The following SLC35F2 variants were observed in gnomAD, a reference collection of about 807,000 sequenced individuals.
SLC35F2 encodes the protein solute carrier family 35 member F2.
Under a neutral mutation model 38.1 loss-of-function variants are expected in SLC35F2, and 25 were observed. That is an observed-to-expected ratio of 0.66 (90% confidence interval 0.48 to 0.92). The LOEUF is 0.92. Among genes scored for constraint, SLC35F2 ranks in the 40% least tolerant of loss-of-function variants. The probability of loss-of-function intolerance (pLI) is 0.00; values close to 1 mark genes in which losing one functional copy is unlikely to be tolerated. For synonymous variants in SLC35F2, 173 were observed against 181.7 expected, an observed-to-expected ratio of 0.95 and a Z score of 0.38; for missense variants, 409 against 452.9, an observed-to-expected ratio of 0.90 and a Z score of 0.88.
intron 7 of SLC35F2, among the ~76,000 whole-genome samples, chr11:107,797,982 TTTTTTA>T (rs139359152): frequency 0.058 from 8,454 of 146,916 alleles, 282 homozygotes; most frequent in East Asian, 0.17. Context: ...TAAGTTGGTA[TTTTTTA>T]TTTTTTTTTG....
intron 1 of SLC35F2, among the ~76,000 whole-genome samples, chr11:107,828,985 G>C (rs1169014351): frequency 2.0e-5 from 3 of 151,542 alleles, no homozygotes; most frequent in Non-Finnish European, 4.4e-5. Context: ...GTGCACGCCT[G>C]TAGTCCCAGC....
intron 1 of SLC35F2, among the ~76,000 whole-genome samples, chr11:107,855,690 A>G (rs1412334565): frequency 6.6e-6 from 1 of 151,950 alleles, no homozygotes; most frequent in African/African-American, 2.4e-5. Context: ...TCCACAAGAA[A>G]GGAAAAAGCC....
At chr11:107,840,919 G>A (rs564872404) in intron 1 of SLC35F2, among the ~76,000 whole-genome samples, 21 of 152,294 alleles carry the variant, frequency 1.4e-4, no homozygotes, top group African/African-American at 5.1e-4. Flanking sequence ...CTGGCCCAGT[G>A]AGGGAAGCGG....
At chr11:107,822,615 C>T (rs1859690946) in intron 1 of SLC35F2, among the ~76,000 whole-genome samples, 2 of 152,138 alleles carry the variant, frequency 1.3e-5, no homozygotes, top group Admixed American at 1.3e-4. Flanking sequence ...CCCCAAAACT[C>T]TAAGCTCCAG....
chr11:107,797,220 A>G (rs1306855015), intron 7 of SLC35F2, among the ~76,000 whole-genome samples: 1 of 152,220 alleles, frequency 6.6e-6, no homozygotes, highest in Non-Finnish European at 1.5e-5. Flanking sequence ...CACACCAATA[A>G]ATAGTTTTAA....
intron 1 of SLC35F2, among the ~76,000 whole-genome samples, chr11:107,818,070 AAAAAAGAAAGAAAGAAAGAAAGAAAG>A (rs1244567089): frequency 7.9e-5 from 10 of 126,278 alleles, no homozygotes; most frequent in Middle Eastern, 3.8e-3. Flanking sequence ...AAAAAAAAAA[AAAAAAGAAAGAAAGAAAGAAAGAAAG>A]AAAGAAAGAA....
chr11:107,827,375 G>C (rs142240447), intron 1 of SLC35F2, among the ~76,000 whole-genome samples: 2 of 150,342 alleles, frequency 1.3e-5, no homozygotes, highest in African/African-American at 4.9e-5. Context: ...AGCACTTTGC[G>C]AGGCCAAGGT....
intron 1 of SLC35F2, among the ~76,000 whole-genome samples, chr11:107,846,422 C>G (rs1001620077): frequency 4.6e-5 from 7 of 151,934 alleles, no homozygotes; most frequent in African/African-American, 1.7e-4. Context: ...TTAAATATGC[C>G]ATGAAAATTT....
chr11:107,816,293 T>C, intron 1 of SLC35F2: 1 of 983,832 alleles, frequency 1.0e-6, no homozygotes, highest in Middle Eastern at 5.2e-4. Flanking sequence ...TATGACTTTT[T>C]TTTTTTGAGA....
intron 1 of SLC35F2, among the ~76,000 whole-genome samples, chr11:107,855,962 G>A (rs974078976): frequency 1.5e-4 from 22 of 151,120 alleles, no homozygotes; most frequent in Non-Finnish European, 2.7e-4. Flanking sequence ...AAAATTAGCC[G>A]GGCATGGTGG....
At chr11:107,810,413 T>C in intron 3 of SLC35F2, 1 of 985,148 alleles carries the variant, frequency 1.0e-6, no homozygotes, top group Non-Finnish European at 1.2e-6. Context: ...GAGATCAAAG[T>C]TCCTGGGAAT....
intron 1 of SLC35F2, among the ~76,000 whole-genome samples, chr11:107,819,111 CAG>C (rs1208428618): frequency 6.6e-6 from 1 of 152,172 alleles, no homozygotes; most frequent in Non-Finnish European, 1.5e-5. Flanking sequence ...GCAGGAAACT[CAG>C]AGTGTCCTAC....
chr11:107,821,656 G>GT, intron 1 of SLC35F2: 1 of 979,718 alleles, frequency 1.0e-6, no homozygotes, highest in South Asian at 4.7e-5. Flanking sequence ...ACCTGTTCCT[G>GT]TTTAAGCAAA....
chr11:107,815,942 A>G lies in SLC35F2; in HGVS notation c.134T>C (p.Leu45Pro), dbSNP rs1859565635. 3.7e-6 allele frequency: 6 copies of G among 1,608,728 alleles called. No individual in the cohort carries two copies. Among genetic ancestry groups the G allele is most frequent in the African/African-American group, 1.3e-5 (1 of 74,410 alleles). ...FTWNILKTIALGQMLSLCICG... is the reference protein window; with the variant it reads ...FTWNILKTIAPGQMLSLCICG... Reference sequence around the variant, plus strand: ...TATACACAAGGACAACATCTGACCCAGGGCAATTGTTTTCAAAATATTCCT... The same window carrying G: ...TATACACAAGGACAACATCTGACCCGGGGCAATTGTTTTCAAAATATTCCT... Residue 45 changes from leucine (L) to proline (P), a missense_variant, in exon 2 of 8, where the codon CTG becomes CCG. Physicochemically the swap from Leu to Pro is moderately conservative, Grantham distance 98. Transcript: ENST00000525815.
At chr11:107,803,538 TTTTC>T (rs1859347518) in intron 6 of SLC35F2, 2 of 980,098 alleles carry the variant, frequency 2.0e-6, no homozygotes, top group African/African-American at 3.5e-5. Flanking sequence ...ACTCATTATG[TTTTC>T]TTTGCTTTTG....
At chr11:107,841,612 CA>C (rs1287047712) in intron 1 of SLC35F2, among the ~76,000 whole-genome samples, 2 of 149,742 alleles carry the variant, frequency 1.3e-5, no homozygotes, top group Non-Finnish European at 3.0e-5. Context: ...GACAGAGACC[CA>C]ACTTCATTAG....
chr11:107,843,866 AAAATAT>A (rs56688327), intron 1 of SLC35F2, among the ~76,000 whole-genome samples: 67 of 38,394 alleles, frequency 1.7e-3, no homozygotes, highest in East Asian at 5.4e-3. Flanking sequence ...AAAAAAAAAA[AAAATAT>A]ATATATATAT....
chr11:107,823,203 C>T, intron 1 of SLC35F2: 1 of 985,280 alleles, frequency 1.0e-6, no homozygotes, highest in Non-Finnish European at 1.2e-6. Context: ...TTTAAGTCTC[C>T]CAGATGAGTC....
At chr11:107,857,646 T>C (rs1860314126) in intron 1 of SLC35F2, among the ~76,000 whole-genome samples, 1 of 152,236 alleles carries the variant, frequency 6.6e-6, no homozygotes, top group Admixed American at 6.5e-5. Context: ...GGTATGGCTT[T>C]TCAGGACTAT....
Sources: allele counts gnomAD v4.1 joint callset (sites outside exome capture counted in the v4.1 genomes callset), GRCh38; gene constraint gnomAD v4.1.1; transcripts MANE v1.5; gene names NCBI Gene and HGNC (gene_info 2026-07-23, HGNC 2026-07-21).